Variants in IDI1 observed in about 807,000 individuals in gnomAD.
IDI1 encodes the protein isopentenyl-diphosphate Delta-isomerase 1.
A neutral mutation model predicts 32.9 loss-of-function variants in IDI1; 23 were observed. The observed-to-expected ratio is 0.70, with a 90% CI of 0.50 to 0.99. The LOEUF is 0.99. Among genes scored for constraint, IDI1 ranks in the 50% least tolerant of loss-of-function variants. The pLI is 0.00. For missense variants in IDI1, 326 were observed against 351.9 expected (o/e 0.93, Z 0.59); for synonymous variants, 133 against 128.2 (o/e 1.04, Z -0.25).
intron 1 of IDI1, 101 bp from the exon 2 acceptor site, chr10:1,044,272 A>T: frequency 1.2e-6 from 1 of 823,708 alleles, no homozygotes; most frequent in Non-Finnish European, 1.9e-6. Context: ...CTGCAGTTGT[A>T]CCACTCTGCA....
At chr10:1,042,609 G>T in intron 4 of IDI1, 23 bp downstream of exon 4, 1 of 1,612,420 alleles carries the variant, frequency 6.2e-7, no homozygotes, top group South Asian at 1.1e-5. Context: ...CAGCTTGTAT[G>T]GTTGTGTAGG....
At chr10:1,054,741 A>T in the IDI1 span, among the ~76,000 whole-genome samples, 3 of 152,342 alleles carry the variant, frequency 2.0e-5, no homozygotes, top group South Asian at 6.2e-4. Flanking sequence ...TTTCAAATTC[A>T]TGTGTTAAAG....
rs534011631 is a variant in IDI1 at position 1,045,638 on chromosome 10, T to G, written c.141-1467A>C. Among the ~76,000 whole-genome samples the G allele has an allele frequency of 5.3e-5, 8 of 152,334 alleles. No homozygotes were observed. In the South Asian group the frequency reaches 1.7e-3, roughly 32 times the overall value. Reference sequence around the variant, plus strand: ...TGCACCACCACGCCAGGCTAATTTTTGTATTTTTAGTAGAGACGAAGTCTT... The same window carrying G: ...TGCACCACCACGCCAGGCTAATTTTGGTATTTTTAGTAGAGACGAAGTCTT... On this transcript the variant is annotated intron_variant, in intron 1 of 4. Transcript: ENST00000381344.
intron 1 of IDI1, among the ~76,000 whole-genome samples, chr10:1,046,280 C>T (rs76515647): frequency 2.0e-5 from 3 of 152,156 alleles, no homozygotes; most frequent in African/African-American, 7.2e-5. Context: ...TATAACAGAA[C>T]TGACATATTC....
chr10:1,051,237 A>G (rs1298000092), upstream of IDI1, among the ~76,000 whole-genome samples: 3 of 152,224 alleles, frequency 2.0e-5, no homozygotes, highest in African/African-American at 7.2e-5. Flanking sequence ...TAGTAATCTC[A>G]TCAGAAAAGT....
rs145178994 is a variant in IDI1, at chr10:1,045,027, A to G, written c.141-856T>C. The stretch of plus-strand genomic sequence containing the variant: ...ACATTTAATTTTCATGTGTCACAAA[A>G]TATTTTGATTCTTCTCCATCCGTTT... On this transcript the variant is annotated intron_variant, in intron 1 of 4. Coordinates refer to ENST00000381344, the MANE Select transcript of IDI1 (RefSeq NM_004508.4). Among the ~76,000 whole-genome samples the G allele has an allele frequency of 5.2e-3, 785 of 152,400 alleles. 3 individuals carry two copies. The highest frequency in any genetic ancestry group is 0.017 in the African/African-American group (689 of 41,600).
In IDI1 at chr10:1,049,059, C is replaced by A; in HGVS notation, c.-56G>T. On this transcript the variant is annotated 5_prime_UTR_variant, in exon 1 of 5. Transcript: ENST00000381344. ...GACGACACAATCTCGCCAAGCTTCG[C>A]CTGGTGGTGCCACCTCCCTGGCCTG... 2 of 1,444,562 alleles carry A rather than the reference C, an allele frequency of 1.4e-6. No individual in the cohort carries two copies. 89.5% of individuals were successfully genotyped at this position (1,444,562 alleles called of 1,614,324 possible).
chr10:1,049,112 G>T lies in IDI1; in HGVS notation c.-109C>A. 1 of 1,403,068 alleles carries T rather than the reference G, an allele frequency of 7.1e-7. No homozygotes were observed. Among genetic ancestry groups the T allele is most frequent in the South Asian group, 1.5e-5 (1 of 65,178 alleles). 86.9% of individuals were successfully genotyped at this position (1,403,068 alleles called of 1,614,324 possible). A position where few individuals can be genotyped will look rare whatever the true frequency, so the allele number is the denominator to read the frequency against. On this transcript the variant is annotated 5_prime_UTR_variant, in exon 1 of 5. Coordinates refer to ENST00000381344, the MANE Select transcript of IDI1 (RefSeq NM_004508.4). ...ACAACGGCAGACGCGCGAAGCACCG[G>T]GAACCTGAGCCGTGACCGCGGGCTC... is the stretch of plus-strand genomic sequence containing the variant.
chr10:1,048,544 C>T, intron 1 of IDI1: 1 of 1,307,588 alleles, frequency 7.6e-7, no homozygotes. Flanking sequence ...TCCTGCGACT[C>T]GGTTTCCAGT....
intron 3 of IDI1, 130 bp from the exon 4 acceptor site, chr10:1,042,892 A>G: frequency 1.4e-6 from 1 of 722,744 alleles, no homozygotes; most frequent in Non-Finnish European, 2.3e-6. Flanking sequence ...ATAATGGGCT[A>G]TCAGTAATTA....
chr10:1,047,754 G>A (rs1368366640), intron 1 of IDI1, among the ~76,000 whole-genome samples: 3 of 152,228 alleles, frequency 2.0e-5, no homozygotes, highest in African/African-American at 7.2e-5. Context: ...TAAGTGATGC[G>A]GGCCGAACGT....
At chr10:1,052,434 T>C (rs1833038582), upstream of IDI1, among the ~76,000 whole-genome samples, 1 of 152,218 alleles carries the variant, frequency 6.6e-6, no homozygotes, top group Admixed American at 6.5e-5. Context: ...TCTTAAATAA[T>C]GAGACTTGAA....
Position 1,041,159 on chromosome 10 carries a change from A to T in IDI1, c.*28T>A. On this transcript the variant is annotated 3_prime_UTR_variant, in exon 5 of 5. Coordinates refer to ENST00000381344, the MANE Select transcript of IDI1 (RefSeq NM_004508.4). Reference sequence around the variant, plus strand: ...CATTCTAAGTTTGTTAAGCAGATAAATTTTTCTGTAATCATTTACCTACAT... The same window carrying T: ...CATTCTAAGTTTGTTAAGCAGATAATTTTTTCTGTAATCATTTACCTACAT... The T allele has an allele frequency of 7.5e-7, 1 of 1,328,378 alleles. No individual in the cohort carries two copies. 82.3% of individuals were successfully genotyped at this position (1,328,378 alleles called of 1,614,324 possible). A position where few individuals can be genotyped will look rare whatever the true frequency, so the allele number is the denominator to read the frequency against.
At chr10:1,051,757 T>C (rs1333721332), upstream of IDI1, among the ~76,000 whole-genome samples, 2 of 152,262 alleles carry the variant, frequency 1.3e-5, no homozygotes, top group East Asian at 3.8e-4. Flanking sequence ...TTGATGGCTG[T>C]TGATCAAGGT....
intron 1 of IDI1, chr10:1,048,396 C>G (rs919968196): frequency 7.7e-7 from 1 of 1,304,806 alleles, no homozygotes; most frequent in African/African-American, 1.5e-5. Context: ...CACCCTCTTG[C>G]ACGGACGCAG....
upstream of IDI1, among the ~76,000 whole-genome samples, chr10:1,053,958 G>A (rs569088789): frequency 6.6e-6 from 1 of 152,256 alleles, no homozygotes; most frequent in African/African-American, 2.4e-5. Context: ...GAGAGAGATA[G>A]GGAGGCAGCT....
upstream of IDI1, among the ~76,000 whole-genome samples, chr10:1,049,378 G>A (rs1341554160): frequency 6.6e-6 from 1 of 151,664 alleles, no homozygotes. Context: ...GAAGCTCGGC[G>A]TCCCATGGGA....
intron 2 of IDI1, 117 bp from the exon 3 acceptor site, chr10:1,043,510 G>C (rs1454178408): frequency 1.4e-6 from 1 of 740,120 alleles, no homozygotes; most frequent in Non-Finnish European, 2.5e-6. Context: ...TTTTTCCCAT[G>C]GTTTATCCAC....
At chr10:1,052,010 C>T (rs945232600), upstream of IDI1, among the ~76,000 whole-genome samples, 4 of 152,206 alleles carry the variant, frequency 2.6e-5, no homozygotes, top group African/African-American at 9.7e-5. Flanking sequence ...GTAGCTGGCA[C>T]TATGGGCGTG....
Sources: allele counts gnomAD v4.1 joint callset (sites outside exome capture counted in the v4.1 genomes callset), GRCh38; gene constraint gnomAD v4.1.1; transcripts MANE v1.5; gene names NCBI Gene and HGNC (gene_info 2026-07-23, HGNC 2026-07-21).